The following ALMS1 variants were observed in gnomAD, a reference collection of about 807,000 sequenced individuals.
The protein encoded by ALMS1 is ALMS1 centrosome and basal body associated protein, also known as centrosome-associated protein ALMS1.
Under a neutral mutation model 352.2 loss-of-function variants are expected in ALMS1, and 271 were observed. That is an observed-to-expected ratio of 0.77 (90% CI 0.70 to 0.85). ALMS1 has a LOEUF of 0.85. Among genes scored for constraint, ALMS1 ranks in the 40% least tolerant of loss-of-function variants. The pLI is 0.00. For missense variants in ALMS1, 5,445 were observed against 4,870.7 expected (o/e 1.12, Z -3.51); for synonymous variants, 1,865 against 1,761.2 (o/e 1.06, Z -1.48).
intron 7 of ALMS1, among the ~76,000 whole-genome samples, chr2:73,443,793 G>A (rs1382500857): frequency 6.6e-6 from 1 of 152,082 alleles, no homozygotes; most frequent in Admixed American, 6.6e-5. Context: ...TTGTATTTTG[G>A]CAGGGATCAG....
Position 73,452,430 on chromosome 2 carries a change from C to T in ALMS1, c.5903C>T (p.Ser1968Leu). 1.2e-6 allele frequency: 2 copies of T among 1,614,014 alleles called. No individual in the cohort carries two copies. The highest frequency in any genetic ancestry group is 8.5e-7 in the Non-Finnish European group (1 of 1,179,978). Residue 1968 changes from serine (S) to leucine (L), a missense_variant, in exon 8 of 23, where the codon TCA becomes TTA. Ser to Leu is a moderately radical substitution (Grantham distance 145). Coordinates refer to ENST00000613296, the MANE Select transcript of ALMS1 (RefSeq NM_001378454.1). ...SHLTEEALKV[S>L]PVSIPAEQKT... is the part of the protein sequence containing the mutation. Reference sequence around the variant, plus strand: ...CTCACAGAAGAGGCTCTGAAAGTTTCACCTGTTTCTATACCAGCAGAGCAG... The same window carrying T: ...CTCACAGAAGAGGCTCTGAAAGTTTTACCTGTTTCTATACCAGCAGAGCAG...
At chr2:73,438,246 T>C (rs561306879) in intron 7 of ALMS1, among the ~76,000 whole-genome samples, 15 of 152,310 alleles carry the variant, frequency 9.8e-5, no homozygotes, top group East Asian at 5.8e-4. Context: ...TCCCTTGATA[T>C]TAGTTGCCCT....
chr2:73,418,766 A>G (rs1386450108), intron 2 of ALMS1, among the ~76,000 whole-genome samples: 3 of 152,236 alleles, frequency 2.0e-5, no homozygotes, highest in African/African-American at 7.2e-5. Context: ...TTATCCCCGG[A>G]ACACATGTGC....
intron 11 of ALMS1, among the ~76,000 whole-genome samples, chr2:73,530,826 G>C (rs752404125): frequency 6.6e-6 from 1 of 152,242 alleles, no homozygotes; most frequent in South Asian, 2.1e-4. Context: ...CCAACACCAC[G>C]TGAAACTGTC....
At chr2:73,418,146 C>T (rs1336203875) in intron 2 of ALMS1, among the ~76,000 whole-genome samples, 7 of 152,140 alleles carry the variant, frequency 4.6e-5, no homozygotes, top group East Asian at 1.9e-4. Flanking sequence ...GCTTATTTCT[C>T]ATTAATTTTT....
intron 1 of ALMS1, among the ~76,000 whole-genome samples, chr2:73,391,265 T>A (rs1443133614): frequency 6.6e-6 from 1 of 151,160 alleles, no homozygotes; most frequent in Non-Finnish European, 1.5e-5. Flanking sequence ...CACAATTTAT[T>A]TTTTTAACCT....
chr2:73,521,986 A>G (rs186579889), intron 11 of ALMS1, among the ~76,000 whole-genome samples: 151 of 152,298 alleles, frequency 9.9e-4, no homozygotes, highest in Non-Finnish European at 1.6e-3. Context: ...TATGTTAACT[A>G]CATGACTGCT....
At chr2:73,460,806 C>T (rs368645417) in intron 9 of ALMS1, among the ~76,000 whole-genome samples, 356 of 152,358 alleles carry the variant, frequency 2.3e-3, no homozygotes, top group South Asian at 4.6e-3. Context: ...GCACATGGCT[C>T]GGAGGGTCCT....
intron 9 of ALMS1, among the ~76,000 whole-genome samples, chr2:73,466,299 C>T (rs1471780232): frequency 1.3e-5 from 2 of 152,014 alleles, no homozygotes; most frequent in Non-Finnish European, 2.9e-5. Flanking sequence ...GAATACTATG[C>T]AGCCATAAAA....
At chr2:73,579,145 C>T (rs1396184122) in intron 16 of ALMS1, among the ~76,000 whole-genome samples, 1 of 147,528 alleles carries the variant, frequency 6.8e-6, no homozygotes. Flanking sequence ...CTGCAACCTC[C>T]ACCTCCCGGG....
chr2:73,600,414 T>C (rs143849882), intron 17 of ALMS1, among the ~76,000 whole-genome samples: 1 of 152,356 alleles, frequency 6.6e-6, no homozygotes, highest in East Asian at 1.9e-4. Context: ...TGAAATCCTT[T>C]ACCCTTTGAA....
Position 73,572,769 on chromosome 2 carries a change from G to T in ALMS1, c.10892G>T (p.Arg3631Leu), listed in dbSNP as rs142558799. 4 of 1,614,058 alleles carry T rather than the reference G, an allele frequency of 2.5e-6. No individual in the cohort carries two copies. Among genetic ancestry groups the T allele is most frequent in the Non-Finnish European group, 3.4e-6 (4 of 1,179,980 alleles). Residue 3631 changes from arginine to leucine, a missense_variant, in exon 16 of 23, where the codon CGT (arginine) becomes CTT (leucine). Transcript: ENST00000613296. ...KELSLVDRLD[R>L]LAKILQNPIT... ...CTGTCCTTGGTGGACCGACTTGATC[G>T]TTTGGCTAAAATTCTTCAGAATCCA...
rs2103778961 is a variant in ALMS1 at position 73,449,963 on chromosome 2, C to A, written c.3436C>A (p.Gln1146Lys). Residue 1146 changes from glutamine to lysine, a missense_variant, in exon 8 of 23, where the codon CAA (glutamine) becomes AAA (lysine). Physicochemically the swap from Gln to Lys is moderately conservative, Grantham distance 53 (BLOSUM62 1). Coordinates refer to ENST00000613296, the MANE Select transcript of ALMS1 (RefSeq NM_001378454.1). ...TPTVTSTSYS[Q>K]HREKPSIFHQ... The stretch of plus-strand genomic sequence containing the variant: ...AACTGTAACCTCAACTTCCTACTCA[C>A]AACATAGAGAAAAGCCCAGCATTTT... The A allele has an allele frequency of 1.9e-6, 3 of 1,613,940 alleles. No homozygotes were observed. Among genetic ancestry groups the A allele is most frequent in the South Asian group, 1.1e-5 (1 of 91,064 alleles).
At chr2:73,593,701 C>T (rs899199058) in intron 16 of ALMS1, among the ~76,000 whole-genome samples, 17 of 152,168 alleles carry the variant, frequency 1.1e-4, no homozygotes, top group Admixed American at 6.5e-5. Context: ...TTTAAACACC[C>T]TCCAAAAAAA....
rs372910832 is a variant in ALMS1, at chr2:73,601,408, T to C, written c.12086T>C (p.Leu4029Pro). ...GPGREAGRDLLRPFVRATLQE... is the reference protein window; with the variant it reads ...GPGREAGRDLPRPFVRATLQE... ...GGCAGAGAGGCTGGCAGAGACCTAC[T>C]GAGGCCATTTGTGAGAGCAACCCTT... The change falls in exon 19 of 23, where the codon CTG becomes CCG. Residue 4029 changes from leucine (L) to proline (P), a missense_variant. Coordinates refer to ENST00000613296, the MANE Select transcript of ALMS1 (RefSeq NM_001378454.1). 75 of 1,614,020 alleles carry C rather than the reference T, an allele frequency of 4.6e-5. No individual in the cohort carries two copies. Among genetic ancestry groups the C allele is most frequent in the Non-Finnish European group, 5.9e-5 (70 of 1,179,994 alleles).
chr2:73,565,030 C>A (rs1021037948), intron 15 of ALMS1, among the ~76,000 whole-genome samples: 2 of 152,180 alleles, frequency 1.3e-5, no homozygotes, highest in African/African-American at 4.8e-5. Flanking sequence ...GACTCACATG[C>A]CTTTCGGATG....
chr2:73,430,423 GA>G (rs1671477010), intron 6 of ALMS1, among the ~76,000 whole-genome samples: 1 of 152,116 alleles, frequency 6.6e-6, no homozygotes, highest in Admixed American at 6.5e-5. Context: ...TTAACATAAT[GA>G]AATTTTTTTG....
chr2:73,407,196 T>C (rs1572903732), intron 1 of ALMS1, among the ~76,000 whole-genome samples: 1 of 152,062 alleles, frequency 6.6e-6, no homozygotes, highest in East Asian at 1.9e-4. Context: ...CTAGCTCAGG[T>C]CTCTCTTCCT....
intron 16 of ALMS1, among the ~76,000 whole-genome samples, chr2:73,584,788 C>T (rs1006174549): frequency 6.6e-6 from 1 of 151,596 alleles, no homozygotes; most frequent in African/African-American, 2.4e-5. Context: ...CCCGCTCCCA[C>T]CCTTCCCCCC....
Sources: allele counts gnomAD v4.1 joint callset (sites outside exome capture counted in the v4.1 genomes callset), GRCh38; gene constraint gnomAD v4.1.1; transcripts MANE v1.5; gene names NCBI Gene and HGNC (gene_info 2026-07-23, HGNC 2026-07-21).